KCNG3: variants seen among roughly 807,000 people sequenced by gnomAD.
KCNG3 encodes the protein voltage-gated potassium channel regulatory subunit KCNG3.
A neutral mutation model predicts 29.0 loss-of-function variants in KCNG3; 15 were observed. The observed-to-expected ratio is 0.52, with a 90% CI of 0.35 to 0.80. KCNG3 has a LOEUF of 0.80. KCNG3 is among the 30% of genes least tolerant of loss of function. The pLI is 0.01. For synonymous variants in KCNG3, 322 were observed against 248.9 expected (o/e 1.29, Z -2.76); for missense variants, 512 against 605.7 (o/e 0.85, Z 1.62).
chr2:42,468,485 G>C (rs1673199931), intron 1 of KCNG3, among the ~76,000 whole-genome samples: 1 of 151,934 alleles, frequency 6.6e-6, no homozygotes, highest in Non-Finnish European at 1.5e-5. Context: ...TTTTAAAAAG[G>C]ATATAATCAG....
In KCNG3 at chr2:42,492,899, G is replaced by C. The variant is rs753520975; in HGVS notation, c.603C>G (p.Ala201=). ...STLPDWRNAA[A]DNRSLDDRSR... is the part of the protein sequence containing the mutation. ...TCCGGTCATCCAGGCTGCGGTTGTC[G>C]GCGGCTGCGTTGCGCCAGTCGGGCA... The change falls in exon 1 of 2, where the codon GCC becomes GCG. Residue 201 remains alanine (A), a synonymous_variant. Coordinates refer to ENST00000306078, the MANE Select transcript of KCNG3 (RefSeq NM_133329.6). The C allele has an allele frequency of 6.4e-6, 10 of 1,564,102 alleles. No homozygotes were observed. The highest frequency in any genetic ancestry group is 4.7e-5 in the East Asian group (2 of 42,122).
intron 1 of KCNG3, among the ~76,000 whole-genome samples, chr2:42,489,186 C>T (rs1673809989): frequency 6.6e-6 from 1 of 151,402 alleles, no homozygotes; most frequent in Non-Finnish European, 1.5e-5. Flanking sequence ...GGATTACAGG[C>T]GTGAGCCACC....
At chr2:42,416,661 C>CA in the KCNG3 span, among the ~76,000 whole-genome samples, 2 of 151,008 alleles carry the variant, frequency 1.3e-5, no homozygotes, top group Non-Finnish European at 3.0e-5. Context: ...ACTAAAAATA[C>CA]AAAAAAATTA....
the KCNG3 span, chr2:42,415,355 A>T: frequency 6.6e-6 from 1 of 152,200 alleles, no homozygotes; most frequent in Admixed American, 6.5e-5. Flanking sequence ...GCTCCCAAAT[A>T]ATCACTGCCC....
At chr2:42,475,687 T>A (rs1673406471) in intron 1 of KCNG3, among the ~76,000 whole-genome samples, 1 of 151,466 alleles carries the variant, frequency 6.6e-6, no homozygotes, top group Admixed American at 6.6e-5. Flanking sequence ...GTAAATTGTG[T>A]CAAATTTTTT....
intron 1 of KCNG3, among the ~76,000 whole-genome samples, chr2:42,451,097 C>T (rs1047940460): frequency 1.4e-5 from 2 of 142,136 alleles, no homozygotes; most frequent in African/African-American, 5.4e-5. Context: ...CCCAGCTACT[C>T]GGGAGACTGA....
At chr2:42,472,813 G>T (rs1029556225) in intron 1 of KCNG3, among the ~76,000 whole-genome samples, 1 of 145,322 alleles carries the variant, frequency 6.9e-6, no homozygotes, top group Non-Finnish European at 1.5e-5. Flanking sequence ...TACATATATC[G>T]ATATATCTAG....
the KCNG3 span, among the ~76,000 whole-genome samples, chr2:42,409,722 AAAAAAAATTT>A: frequency 3.8e-5 from 5 of 130,620 alleles, no homozygotes; most frequent in East Asian, 4.4e-4. Flanking sequence ...AAAAAAAAAA[AAAAAAAATTT>A]TTTTTTAAAT....
At chr2:42,432,275 G>GGGCAATGCT in the KCNG3 span, among the ~76,000 whole-genome samples, 2 of 152,108 alleles carry the variant, frequency 1.3e-5, no homozygotes, top group Admixed American at 6.5e-5. Flanking sequence ...ACTTTTCCTA[G>GGGCAATGCT]GGCAATGCTG....
intron 1 of KCNG3, among the ~76,000 whole-genome samples, chr2:42,472,437 G>C (rs1392191621): frequency 6.6e-6 from 1 of 151,882 alleles, no homozygotes; most frequent in Non-Finnish European, 1.5e-5. Context: ...AGTCAGGAGA[G>C]TGCCACTTTC....
At chr2:42,406,841 AAAAG>A in the KCNG3 span, among the ~76,000 whole-genome samples, 12 of 151,754 alleles carry the variant, frequency 7.9e-5, no homozygotes, top group East Asian at 7.8e-4. Context: ...AAAAAAAAAA[AAAAG>A]AAGGAGGCTT....
At chr2:42,409,905 C>A in the KCNG3 span, among the ~76,000 whole-genome samples, 1 of 152,030 alleles carries the variant, frequency 6.6e-6, no homozygotes, top group African/African-American at 2.4e-5. Context: ...CTGCCTACTA[C>A]ACTCATTGCA....
At chr2:42,433,668 G>A in the KCNG3 span, among the ~76,000 whole-genome samples, 1 of 152,162 alleles carries the variant, frequency 6.6e-6, no homozygotes, top group Non-Finnish European at 1.5e-5. Flanking sequence ...GAACCCGAGA[G>A]GTGGGGGTGC....
At chr2:42,432,184 A>T in the KCNG3 span, among the ~76,000 whole-genome samples, 5 of 152,340 alleles carry the variant, frequency 3.3e-5, no homozygotes, top group African/African-American at 9.6e-5. Context: ...CCCAGCACAG[A>T]AGTGACACTT....
the KCNG3 span, among the ~76,000 whole-genome samples, chr2:42,426,027 G>A: frequency 1.3e-5 from 2 of 152,182 alleles, no homozygotes; most frequent in African/African-American, 4.8e-5. Context: ...TCAAGCTGTA[G>A]AGACTTTTTT....
intron 1 of KCNG3, among the ~76,000 whole-genome samples, chr2:42,482,677 T>C (rs1231208417): frequency 2.0e-5 from 3 of 151,968 alleles, no homozygotes; most frequent in African/African-American, 7.2e-5. Flanking sequence ...TGCAGTGAGC[T>C]GAGATTGCAC....
chr2:42,395,092 G>C, the KCNG3 span, among the ~76,000 whole-genome samples: 2 of 152,190 alleles, frequency 1.3e-5, no homozygotes, highest in Admixed American at 6.5e-5. Context: ...ACTGAAGCTG[G>C]TGGACTGAAT....
chr2:42,446,425 C>T (rs1233821818), intron 1 of KCNG3, among the ~76,000 whole-genome samples: 2 of 152,084 alleles, frequency 1.3e-5, no homozygotes, highest in Non-Finnish European at 2.9e-5. Flanking sequence ...GTGATCCGCC[C>T]ACCTCGACCT....
rs140460916 is a variant in KCNG3 at position 42,443,752 on chromosome 2, T to C, written c.*182A>G. On this transcript the variant is annotated 3_prime_UTR_variant, in exon 2 of 2. Coordinates refer to ENST00000306078, the MANE Select transcript of KCNG3 (RefSeq NM_133329.6). ...AGGAGTCATTATTCTTCCTTTGCAGTCTCAATTCTATTTACTCCATAACAA... is the reference window on the plus strand; with the variant it reads ...AGGAGTCATTATTCTTCCTTTGCAGCCTCAATTCTATTTACTCCATAACAA... 1,217 of 550,534 alleles carry C rather than the reference T, an allele frequency of 2.2e-3. 14 individuals carry two copies. Among genetic ancestry groups the C allele is most frequent in the African/African-American group, 0.021 (1,130 of 52,932 alleles). The allele number at this position is 550,534 out of a possible 1,614,324, so 34.1% of individuals were successfully genotyped here.
Sources: allele counts gnomAD v4.1 joint callset (sites outside exome capture counted in the v4.1 genomes callset), GRCh38; gene constraint gnomAD v4.1.1; transcripts MANE v1.5; gene names NCBI Gene and HGNC (gene_info 2026-07-23, HGNC 2026-07-21).